Variants in ROR1 observed in about 807,000 individuals in gnomAD.
The protein encoded by ROR1 is ROR family WNT receptor 1, also known as inactive tyrosine-protein kinase transmembrane receptor ROR1.
ROR1 carries 19 observed loss-of-function variants against 78.8 expected under a neutral mutation model. That is an observed-to-expected ratio of 0.24 (90% CI 0.17 to 0.35). ROR1 has a LOEUF of 0.35. Among genes scored for constraint, ROR1 ranks in the 10% least tolerant of loss-of-function variants. The pLI, the probability that ROR1 is intolerant of heterozygous loss-of-function variation, is 1.00. For synonymous variants in ROR1, 386 were observed against 433.6 expected, an observed-to-expected ratio of 0.89 and a Z score of 1.36; for missense variants, 917 against 1,177.8, an observed-to-expected ratio of 0.78 and a Z score of 3.24.
rs1452691606 is a variant in ROR1, at chr1:64,181,037, A to G, written c.*2182A>G. 6.6e-6 allele frequency: 1 copy of G among 152,118 alleles called. No individual in the cohort carries two copies. Among genetic ancestry groups the G allele is most frequent in the African/African-American group, 2.4e-5 (1 of 41,456 alleles). 9.4% of individuals were successfully genotyped at this position (152,118 alleles called of 1,614,324 possible). A position where few individuals can be genotyped will look rare whatever the true frequency, so the allele number is the denominator to read the frequency against. ...ATATAACACAGTCTCTTTTGTATTA[A>G]AATAGTATTTTTTTCACAAGCTGAA... On this transcript the variant is annotated 3_prime_UTR_variant, in exon 9 of 9. Coordinates refer to ENST00000371079, the MANE Select transcript of ROR1 (RefSeq NM_005012.4).
chr1:63,942,743 T>A (rs929888732), intron 1 of ROR1, among the ~76,000 whole-genome samples: 6 of 152,166 alleles, frequency 3.9e-5, no homozygotes, highest in Non-Finnish European at 8.8e-5. Flanking sequence ...CGAAGCTATA[T>A]TCTACCTCCT....
chr1:63,986,463 T>C (rs1301128759), intron 1 of ROR1, among the ~76,000 whole-genome samples: 1 of 152,096 alleles, frequency 6.6e-6, no homozygotes, highest in Non-Finnish European at 1.5e-5. Context: ...CAGGTGTGTT[T>C]GGAATGGTGA....
At chr1:63,830,109 T>G (rs1225702186) in intron 1 of ROR1, among the ~76,000 whole-genome samples, 3 of 152,196 alleles carry the variant, frequency 2.0e-5, no homozygotes, top group Admixed American at 6.5e-5. Context: ...CATATATGTT[T>G]GCATTAACTT....
intron 4 of ROR1, among the ~76,000 whole-genome samples, chr1:64,082,033 T>C (rs540984142): frequency 1.3e-5 from 2 of 152,272 alleles, no homozygotes; most frequent in South Asian, 4.1e-4. Flanking sequence ...AACACTGATT[T>C]ACAGCTGTAG....
chr1:64,106,074 A>T (rs1324362757), intron 4 of ROR1: 1 of 152,048 alleles, frequency 6.6e-6, no homozygotes, highest in Non-Finnish European at 1.5e-5. Flanking sequence ...CATGATATTG[A>T]TTCTTCCTAT....
chr1:63,998,846 G>C (rs1255330233), intron 1 of ROR1, among the ~76,000 whole-genome samples: 2 of 152,160 alleles, frequency 1.3e-5, no homozygotes, highest in Non-Finnish European at 2.9e-5. Flanking sequence ...TGTGTTGAGG[G>C]ACCCAGTGGG....
At chr1:64,031,861 G>A (rs1393662193) in intron 2 of ROR1, among the ~76,000 whole-genome samples, 1 of 151,408 alleles carries the variant, frequency 6.6e-6, no homozygotes, top group African/African-American at 2.4e-5. Context: ...GTGTGTGTTT[G>A]TGTGTGCGTG....
chr1:63,936,898 T>C (rs1313473097), intron 1 of ROR1, among the ~76,000 whole-genome samples: 1 of 152,188 alleles, frequency 6.6e-6, no homozygotes, highest in African/African-American at 2.4e-5. Flanking sequence ...CCTCTTCATA[T>C]TGCCATTACC....
At chr1:63,935,340 G>A (rs1645785969) in intron 1 of ROR1, among the ~76,000 whole-genome samples, 1 of 152,190 alleles carries the variant, frequency 6.6e-6, no homozygotes, top group African/African-American at 2.4e-5. Context: ...TGCAACTGCT[G>A]AGGACCAGGT....
intron 1 of ROR1, among the ~76,000 whole-genome samples, chr1:63,871,569 C>A (rs974588818): frequency 6.6e-6 from 1 of 152,204 alleles, no homozygotes; most frequent in African/African-American, 2.4e-5. Context: ...AGTGAGAAAA[C>A]TGCCAGACAA....
At chr1:64,074,567 A>C (rs1173371664) in intron 4 of ROR1, among the ~76,000 whole-genome samples, 1 of 152,222 alleles carries the variant, frequency 6.6e-6, no homozygotes, top group African/African-American at 2.4e-5. Context: ...TGGACAAGAA[A>C]TGAAAAGTGG....
At chr1:63,924,366 AT>A (rs1171593808) in intron 1 of ROR1, among the ~76,000 whole-genome samples, 1 of 152,240 alleles carries the variant, frequency 6.6e-6, no homozygotes, top group Non-Finnish European at 1.5e-5. Flanking sequence ...GAATGAATAC[AT>A]TTTTTATTAT....
At chr1:63,839,988 A>G (rs1305794803) in intron 1 of ROR1, among the ~76,000 whole-genome samples, 1 of 152,124 alleles carries the variant, frequency 6.6e-6, no homozygotes, top group African/African-American at 2.4e-5. Flanking sequence ...ACAACCCCCA[A>G]AACTCTGCAT....
chr1:63,839,718 T>C (rs2100311652), intron 1 of ROR1, among the ~76,000 whole-genome samples: 1 of 152,294 alleles, frequency 6.6e-6, no homozygotes, highest in East Asian at 1.9e-4. Context: ...TGTAATCATC[T>C]TGTCTATGTT....
At chr1:64,123,660 T>A (rs953736471) in intron 4 of ROR1, among the ~76,000 whole-genome samples, 2 of 145,874 alleles carry the variant, frequency 1.4e-5, no homozygotes, top group Non-Finnish European at 3.0e-5. Flanking sequence ...GATGTTTAAC[T>A]TTACTAAGGA....
At chr1:64,040,686 A>C (rs748538140) in intron 2 of ROR1, among the ~76,000 whole-genome samples, 1 of 152,142 alleles carries the variant, frequency 6.6e-6, no homozygotes, top group African/African-American at 2.4e-5. Flanking sequence ...TTGTGTCCTC[A>C]CATGGTAGGA....
chr1:64,094,116 C>G (rs973687961), intron 4 of ROR1, among the ~76,000 whole-genome samples: 1 of 152,126 alleles, frequency 6.6e-6, no homozygotes, highest in Non-Finnish European at 1.5e-5. Context: ...AAGTTTGACT[C>G]AAAAAGTCTG....
rs145428272 is a variant in ROR1, at chr1:63,837,916, T to C, written c.91+63408T>C. On this transcript the variant is annotated intron_variant, in intron 1 of 8. Transcript: ENST00000371079. Reference sequence around the variant, plus strand: ...TACAGTCAGGCACTGCATAATCATCTTTCAGTCAGCGTTAGAACTGCATAT... The same window carrying C: ...TACAGTCAGGCACTGCATAATCATCCTTCAGTCAGCGTTAGAACTGCATAT... Among the ~76,000 whole-genome samples the C allele has an allele frequency of 1.7e-3, 261 of 152,348 alleles. 1 individual carries two copies. Among genetic ancestry groups the C allele is most frequent in the African/African-American group, 5.9e-3 (244 of 41,582 alleles).
rs753098207 is a variant in ROR1, at chr1:63,983,384, T to A, written c.92-25921T>A. Reference sequence around the variant, plus strand: ...GGTCTTGAGAATGGGGAGGACTGTCTAGTGTTTCAGCTGTGCCTATGCTGC... The same window carrying A: ...GGTCTTGAGAATGGGGAGGACTGTCAAGTGTTTCAGCTGTGCCTATGCTGC... On this transcript the variant is annotated intron_variant, in intron 1 of 8. Transcript: ENST00000371079. Among the ~76,000 whole-genome samples, 93 of 152,188 alleles carry A rather than the reference T, an allele frequency of 6.1e-4. 2 individuals are homozygous for A. Among genetic ancestry groups the A allele is most frequent in the Admixed American group, 2.6e-4 (4 of 15,278 alleles).
Sources: allele counts gnomAD v4.1 joint callset (sites outside exome capture counted in the v4.1 genomes callset), GRCh38; gene constraint gnomAD v4.1.1; transcripts MANE v1.5; gene names NCBI Gene and HGNC (gene_info 2026-07-23, HGNC 2026-07-21).